NAALADL2: variants seen among roughly 807,000 people sequenced by gnomAD.
The protein encoded by NAALADL2 is inactive N-acetylated-alpha-linked acidic dipeptidase-like protein 2.
Under a neutral mutation model 87.2 loss-of-function variants are expected in NAALADL2, and 76 were observed. That is an observed-to-expected ratio of 0.87 (90% confidence interval 0.72 to 1.05). NAALADL2 has a LOEUF of 1.05. Among genes scored for constraint, NAALADL2 ranks in the 50% least tolerant of loss-of-function variants. The pLI is 0.00. For synonymous variants in NAALADL2, 354 were observed against 331.0 expected (o/e 1.07, Z -0.75); for missense variants, 1,089 against 945.8 (o/e 1.15, Z -1.99).
At chr3:174,472,414 T>C (rs1223626381) in intron 1 of NAALADL2, among the ~76,000 whole-genome samples, 1 of 152,210 alleles carries the variant, frequency 6.6e-6, no homozygotes, top group Non-Finnish European at 1.5e-5. Flanking sequence ...GGAACAGTAC[T>C]TGTCTTCAGA....
chr3:174,533,525 T>A (rs1468568447), intron 1 of NAALADL2, among the ~76,000 whole-genome samples: 2 of 151,620 alleles, frequency 1.3e-5, no homozygotes, highest in Non-Finnish European at 2.9e-5. Flanking sequence ...TCCACAAAAA[T>A]GCTGGTGAAT....
chr3:175,160,038 C>T lies in NAALADL2; in HGVS notation c.545+62747C>T, dbSNP rs189024497. 1.9e-3 allele frequency among the ~76,000 whole-genome samples: 266 copies of T among 140,782 alleles called. 6 individuals carry two copies. The East Asian group carries it at 0.044, about 23-fold the overall frequency. 92.4% of individuals were successfully genotyped at this position (140,782 alleles called of 152,430 possible). On this transcript the variant is annotated intron_variant, in intron 2 of 13. Coordinates refer to ENST00000454872, the MANE Select transcript of NAALADL2 (RefSeq NM_207015.3). The stretch of plus-strand genomic sequence containing the variant: ...ACTTTTAGTAGAGATGGGGTTTCAC[C>T]GTGCTGGCCAGGCTGGCCTCGAACT...
In NAALADL2 at chr3:174,948,017, C is replaced by A. The variant is rs911131018; in HGVS notation, c.43+88567C>A. Among the ~76,000 whole-genome samples, 5 of 152,064 alleles carry A rather than the reference C, an allele frequency of 3.3e-5. No individual in the cohort carries two copies. The East Asian group carries it at 9.6e-4, about 29-fold the overall frequency. On this transcript the variant is annotated intron_variant, in intron 1 of 13. Coordinates refer to ENST00000454872, the MANE Select transcript of NAALADL2 (RefSeq NM_207015.3). ...TAATTATATTTAATTAGACATGTAA[C>A]ACCTTTGACACGAAACTTGACATAT...
At chr3:175,183,459 G>T (rs78279147) in intron 2 of NAALADL2, among the ~76,000 whole-genome samples, 4,409 of 152,094 alleles carry the variant, frequency 0.029, 92 homozygotes, top group Middle Eastern at 0.065. Context: ...TGAGTATAAT[G>T]TTAGTTGTGG....
chr3:174,714,898 A>G (rs1480266606), intron 2 of NAALADL2, among the ~76,000 whole-genome samples: 1 of 152,150 alleles, frequency 6.6e-6, no homozygotes, highest in African/African-American at 2.4e-5. Context: ...GAATGCTTCC[A>G]GTTTTTGCCC....
At chr3:174,567,949 C>A (rs996848398) in intron 2 of NAALADL2, among the ~76,000 whole-genome samples, 2 of 151,614 alleles carry the variant, frequency 1.3e-5, no homozygotes, top group African/African-American at 4.8e-5. Flanking sequence ...ATAAAAATTA[C>A]CACCTCTCTA....
At chr3:174,547,419 G>A (rs902249292) in intron 1 of NAALADL2, among the ~76,000 whole-genome samples, 23 of 152,090 alleles carry the variant, frequency 1.5e-4, no homozygotes, top group Non-Finnish European at 2.1e-4. Flanking sequence ...TCCTGTGTGG[G>A]ATTAGTAGGT....
intron 13 of NAALADL2, among the ~76,000 whole-genome samples, chr3:175,769,349 T>G (rs977380272): frequency 1.3e-5 from 2 of 152,142 alleles, no homozygotes; most frequent in African/African-American, 4.8e-5. Context: ...ATCACAAACT[T>G]TACAATTGTC....
At chr3:175,173,309 AAAATAAAT>A (rs55984097) in intron 2 of NAALADL2, among the ~76,000 whole-genome samples, 3,997 of 139,716 alleles carry the variant, frequency 0.029, 166 homozygotes, top group African/African-American at 0.094. Flanking sequence ...ATAAATAAAT[AAAATAAAT>A]AAATAAATAA....
intron 11 of NAALADL2, among the ~76,000 whole-genome samples, chr3:175,728,399 G>C (rs74370257): frequency 6.6e-6 from 1 of 152,012 alleles, no homozygotes; most frequent in Non-Finnish European, 1.5e-5. Context: ...TTCTAATTTT[G>C]GGGGGAAATA....
At chr3:174,771,758 A>G (rs540279197) in intron 3 of NAALADL2, among the ~76,000 whole-genome samples, 1 of 152,336 alleles carries the variant, frequency 6.6e-6, no homozygotes, top group South Asian at 2.1e-4. Flanking sequence ...AAACTACTGG[A>G]GTGATTATTG....
intron 5 of NAALADL2, among the ~76,000 whole-genome samples, chr3:175,356,027 A>T (rs1764318768): frequency 6.6e-6 from 1 of 152,152 alleles, no homozygotes; most frequent in Non-Finnish European, 1.5e-5. Flanking sequence ...AAAACTCCAT[A>T]TCTTGGATAA....
intron 3 of NAALADL2, among the ~76,000 whole-genome samples, chr3:174,777,282 C>T (rs1274863735): frequency 6.6e-6 from 1 of 152,088 alleles, no homozygotes; most frequent in African/African-American, 2.4e-5. Flanking sequence ...TGTAAAAAAT[C>T]ATACCACCTT....
chr3:175,003,320 C>T (rs1748495502), intron 1 of NAALADL2, among the ~76,000 whole-genome samples: 2 of 152,080 alleles, frequency 1.3e-5, no homozygotes, highest in African/African-American at 4.8e-5. Context: ...GAGTTCGAGA[C>T]CTGCCTGAGT....
intron 13 of NAALADL2, chr3:175,767,577 A>T (rs1379912949): frequency 6.6e-6 from 1 of 152,144 alleles, no homozygotes. Context: ...TTGGTATCAC[A>T]TATAATAAAA....
chr3:175,042,810 C>G (rs992768456), intron 1 of NAALADL2, among the ~76,000 whole-genome samples: 2 of 151,980 alleles, frequency 1.3e-5, no homozygotes, highest in East Asian at 3.9e-4. Flanking sequence ...AATGTGATAC[C>G]CAGTGTTGGA....
At chr3:174,930,654 C>T in intron 1 of NAALADL2, among the ~76,000 whole-genome samples, 1 of 82,104 alleles carries the variant, frequency 1.2e-5, no homozygotes, top group Middle Eastern at 7.8e-3. Flanking sequence ...CAGAGTCTCA[C>T]TCTGTGACCC....
intron 13 of NAALADL2, among the ~76,000 whole-genome samples, chr3:175,790,959 G>A (rs1752706010): frequency 6.6e-6 from 1 of 152,210 alleles, no homozygotes; most frequent in African/African-American, 2.4e-5. Flanking sequence ...TGGAGGAATT[G>A]TTGAATTTAT....
At chr3:174,909,427 C>A (rs1043471309) in intron 1 of NAALADL2, among the ~76,000 whole-genome samples, 2 of 152,008 alleles carry the variant, frequency 1.3e-5, no homozygotes, top group African/African-American at 2.4e-5. Context: ...CTATACACAC[C>A]AGACACTTGT....
Sources: allele counts gnomAD v4.1 joint callset (sites outside exome capture counted in the v4.1 genomes callset), GRCh38; gene constraint gnomAD v4.1.1; transcripts MANE v1.5; gene names NCBI Gene and HGNC (gene_info 2026-07-23, HGNC 2026-07-21).